Variants in DPYD observed in about 807,000 individuals in gnomAD.
DPYD encodes the protein dihydropyrimidine dehydrogenase, also known as dihydropyrimidine dehydrogenase [NADP(+)].
Under a neutral mutation model 116.2 loss-of-function variants are expected in DPYD, and 109 were observed. That is an observed-to-expected ratio of 0.94 (90% CI 0.80 to 1.10). The LOEUF (loss-of-function observed/expected upper bound fraction) is 1.10, where lower values mean the gene tolerates loss of function less well. Among genes scored for constraint, DPYD ranks in the 50% least tolerant of loss-of-function variants. The pLI, the probability that DPYD is intolerant of heterozygous loss-of-function variation, is 0.00. For synonymous variants in DPYD, 440 were observed against 432.0 expected (o/e 1.02, Z -0.23); for missense variants, 1,302 against 1,254.5 (o/e 1.04, Z -0.57).
intron 20 of DPYD, among the ~76,000 whole-genome samples, chr1:97,129,245 T>C (rs1414572063): frequency 6.6e-6 from 1 of 151,878 alleles, no homozygotes; most frequent in Non-Finnish European, 1.5e-5. Flanking sequence ...TTGTATTTTT[T>C]AGTATAGACA....
At chr1:97,722,227 C>T (rs1420596448) in intron 4 of DPYD, among the ~76,000 whole-genome samples, 1 of 151,374 alleles carries the variant, frequency 6.6e-6, no homozygotes, top group Admixed American at 6.6e-5. Flanking sequence ...TGCATCTGAC[C>T]AGTACTCCTG....
At chr1:97,238,022 G>GAA (rs1456045558) in intron 18 of DPYD, among the ~76,000 whole-genome samples, 3 of 151,984 alleles carry the variant, frequency 2.0e-5, no homozygotes, top group Non-Finnish European at 4.4e-5. Context: ...ACACAGCTTT[G>GAA]AAAAATTAAC....
intron 14 of DPYD, among the ~76,000 whole-genome samples, chr1:97,428,019 T>C (rs1266161107): frequency 6.6e-6 from 1 of 152,134 alleles, no homozygotes; most frequent in Non-Finnish European, 1.5e-5. Flanking sequence ...AGTTAAAATA[T>C]AAAAGCTTTT....
intron 5 of DPYD, among the ~76,000 whole-genome samples, chr1:97,714,452 G>A (rs1012600473): frequency 2.0e-5 from 3 of 151,556 alleles, no homozygotes; most frequent in Non-Finnish European, 2.9e-5. Context: ...CTTGTGATCC[G>A]CCTGCCTCGG....
intron 16 of DPYD, among the ~76,000 whole-genome samples, chr1:97,357,211 T>A (rs776688508): frequency 2.0e-5 from 3 of 152,224 alleles, no homozygotes; most frequent in Non-Finnish European, 2.9e-5. Context: ...TTACAGTTTT[T>A]AGTATATGGG....
chr1:97,733,616 C>A (rs1167273272), intron 4 of DPYD, among the ~76,000 whole-genome samples: 2 of 151,864 alleles, frequency 1.3e-5, no homozygotes, highest in Non-Finnish European at 2.9e-5. Context: ...CTAAAGTATT[C>A]ACCCGTTTTT....
chr1:97,640,679 G>C (rs1657838947), intron 8 of DPYD, among the ~76,000 whole-genome samples: 1 of 152,148 alleles, frequency 6.6e-6, no homozygotes. Flanking sequence ...TGAATTAACA[G>C]GCTTGAGGGC....
At chr1:97,656,468 A>T (rs909572361) in intron 8 of DPYD, among the ~76,000 whole-genome samples, 1 of 152,170 alleles carries the variant, frequency 6.6e-6, no homozygotes, top group Non-Finnish European at 1.5e-5. Flanking sequence ...TGGTACTACC[A>T]ATCTTGAAAC....
intron 8 of DPYD, among the ~76,000 whole-genome samples, chr1:97,653,539 G>A (rs1439538100): frequency 1.3e-5 from 2 of 151,948 alleles, no homozygotes; most frequent in Non-Finnish European, 1.5e-5. Context: ...TCCTGACCTC[G>A]TGATCTGCCC....
chr1:97,178,619 A>G (rs945921199), intron 20 of DPYD, among the ~76,000 whole-genome samples: 1 of 152,124 alleles, frequency 6.6e-6, no homozygotes, highest in Non-Finnish European at 1.5e-5. Flanking sequence ...GGGGATTACA[A>G]TTCAAGATGA....
chr1:97,882,249 G>C (rs1318410428), intron 2 of DPYD, among the ~76,000 whole-genome samples: 1 of 151,914 alleles, frequency 6.6e-6, no homozygotes, highest in Admixed American at 6.6e-5. Flanking sequence ...GTAATTAAGT[G>C]ACTATGGGAT....
At chr1:97,580,860 A>G (rs1361895038) in intron 10 of DPYD, among the ~76,000 whole-genome samples, 1 of 152,044 alleles carries the variant, frequency 6.6e-6, no homozygotes, top group Non-Finnish European at 1.5e-5. Context: ...TTTCAGTAAT[A>G]TTTTATCTAC....
At chr1:97,590,987 C>T (rs1452092250) in intron 10 of DPYD, among the ~76,000 whole-genome samples, 1 of 152,218 alleles carries the variant, frequency 6.6e-6, no homozygotes. Context: ...GCCTACAATA[C>T]ATAATCCGGT....
At chr1:97,874,474 T>C (rs1324748786) in intron 2 of DPYD, among the ~76,000 whole-genome samples, 1 of 151,868 alleles carries the variant, frequency 6.6e-6, no homozygotes, top group African/African-American at 2.4e-5. Flanking sequence ...CAAGATACCA[T>C]AAGCAAATTG....
At chr1:97,437,118 A>C (rs1675514595) in intron 14 of DPYD, among the ~76,000 whole-genome samples, 1 of 151,822 alleles carries the variant, frequency 6.6e-6, no homozygotes. Flanking sequence ...CATTATCACA[A>C]TCAAGATAAT....
At chr1:97,499,114 A>G (rs1679433621) in intron 13 of DPYD, among the ~76,000 whole-genome samples, 1 of 151,682 alleles carries the variant, frequency 6.6e-6, no homozygotes, top group African/African-American at 2.4e-5. Flanking sequence ...ACTGACCTCT[A>G]TCTGATTTTT....
chr1:97,532,762 T>A (rs1375645624), intron 12 of DPYD, among the ~76,000 whole-genome samples: 3 of 151,970 alleles, frequency 2.0e-5, no homozygotes, highest in African/African-American at 7.2e-5. Context: ...TTTTTTTTCT[T>A]GGTTCAGATA....
At chr1:97,687,665 A>G (rs2100939467) in intron 7 of DPYD, among the ~76,000 whole-genome samples, 1 of 152,300 alleles carries the variant, frequency 6.6e-6, no homozygotes, top group Non-Finnish European at 1.5e-5. Flanking sequence ...TGTTATAAAG[A>G]TACATGCAGG....
intron 13 of DPYD, among the ~76,000 whole-genome samples, chr1:97,462,095 A>G (rs1468838543): frequency 1.3e-5 from 2 of 152,222 alleles, no homozygotes; most frequent in Non-Finnish European, 2.9e-5. Context: ...GTTAAAATCA[A>G]AACCAAACAA....
Sources: gnomAD v4.1 joint callset for allele counts (sites outside exome capture counted in the v4.1 genomes callset) on GRCh38, gnomAD v4.1.1 for gene constraint, MANE v1.5 for transcripts, NCBI Gene and HGNC (gene_info 2026-07-23, HGNC 2026-07-21) for gene names.